CAST: variants seen among roughly 807,000 people sequenced by gnomAD.
CAST encodes the protein calpastatin, also known as MIR583 host.
Under a neutral mutation model 119.6 loss-of-function variants are expected in CAST, and 76 were observed. That is an observed-to-expected ratio of 0.64 (90% CI 0.53 to 0.77). The LOEUF (loss-of-function observed/expected upper bound fraction) is 0.77, where lower values mean the gene tolerates loss of function less well. Among genes scored for constraint, CAST ranks in the 30% least tolerant of loss-of-function variants. The pLI is 0.00. For synonymous variants in CAST, 319 were observed against 331.6 expected (o/e 0.96, Z 0.41); for missense variants, 953 against 946.5 (o/e 1.01, Z -0.09).
chr5:96,132,611 A>G, the CAST span, among the ~76,000 whole-genome samples: 2 of 152,048 alleles, frequency 1.3e-5, no homozygotes, highest in Non-Finnish European at 1.5e-5. Context: ...CTCTACCTCT[A>G]TGAGATCTGT....
At chr5:96,411,844 C>G in the CAST span, among the ~76,000 whole-genome samples, 3 of 152,220 alleles carry the variant, frequency 2.0e-5, no homozygotes, top group East Asian at 5.8e-4. Flanking sequence ...GGGTCTCACT[C>G]TGTCACCCAG....
the CAST span, among the ~76,000 whole-genome samples, chr5:96,284,146 G>A: frequency 2.0e-5 from 3 of 152,178 alleles, no homozygotes; most frequent in Non-Finnish European, 4.4e-5. Flanking sequence ...GAAAGAAGGA[G>A]CAGTGTGTGG....
intron 1 of CAST, among the ~76,000 whole-genome samples, chr5:96,618,769 G>A (rs1306439239): frequency 1.3e-5 from 2 of 152,194 alleles, no homozygotes; most frequent in Non-Finnish European, 2.9e-5. Flanking sequence ...CTCGGGACCT[G>A]CAGTCCACCA....
chr5:96,592,996 A>T (rs1365074084), intron 1 of CAST, among the ~76,000 whole-genome samples: 1 of 151,866 alleles, frequency 6.6e-6, no homozygotes, highest in Non-Finnish European at 1.5e-5. Context: ...CGATCTCCTG[A>T]CCTCGTGATC....
chr5:95,995,998 CT>C, the CAST span, among the ~76,000 whole-genome samples: 1 of 152,144 alleles, frequency 6.6e-6, no homozygotes, highest in Non-Finnish European at 1.5e-5. Context: ...AGCTCAAAAT[CT>C]TTTGATCTCC....
At chr5:96,018,495 A>G in the CAST span, among the ~76,000 whole-genome samples, 1 of 152,220 alleles carries the variant, frequency 6.6e-6, no homozygotes, top group Non-Finnish European at 1.5e-5. Context: ...AGACAATGCA[A>G]AAAAGGGCAT....
chr5:96,455,686 A>G, the CAST span, among the ~76,000 whole-genome samples: 5 of 152,040 alleles, frequency 3.3e-5, no homozygotes, highest in Non-Finnish European at 5.9e-5. Flanking sequence ...TCAGCTCCCA[A>G]CCCTCTCCTT....
intron 1 of CAST, among the ~76,000 whole-genome samples, chr5:96,543,739 T>C (rs1330512100): frequency 1.3e-5 from 2 of 152,226 alleles, no homozygotes; most frequent in African/African-American, 2.4e-5. Flanking sequence ...CATGTATGCC[T>C]ATGATCCATT....
chr5:96,022,817 T>C, the CAST span, among the ~76,000 whole-genome samples: 2 of 152,166 alleles, frequency 1.3e-5, no homozygotes, highest in African/African-American at 4.8e-5. Context: ...GATGTTTCAG[T>C]CTTGTGGAAT....
the CAST span, among the ~76,000 whole-genome samples, chr5:96,341,778 G>A: frequency 5.9e-5 from 9 of 152,074 alleles, no homozygotes; most frequent in Non-Finnish European, 1.2e-4. Flanking sequence ...AACCTACCAC[G>A]GCACTGAGCC....
At chr5:96,432,827 G>A in the CAST span, 4 of 1,596,702 alleles carry the variant, frequency 2.5e-6, no homozygotes, top group East Asian at 8.9e-5. Flanking sequence ...AGTCCCCTGG[G>A]GCCCCAGAAA....
At chr5:96,142,982 T>C in the CAST span, among the ~76,000 whole-genome samples, 2 of 152,194 alleles carry the variant, frequency 1.3e-5, no homozygotes, top group African/African-American at 4.8e-5. Context: ...ACCCTGAAGT[T>C]TGACACTCTG....
chr5:96,027,171 A>G, the CAST span, among the ~76,000 whole-genome samples: 1 of 152,202 alleles, frequency 6.6e-6, no homozygotes, highest in East Asian at 1.9e-4. Flanking sequence ...TGATGGAATA[A>G]CACCTTGTCA....
chr5:96,532,055 C>A (rs1745698855), intron 1 of CAST, among the ~76,000 whole-genome samples: 1 of 151,948 alleles, frequency 6.6e-6, no homozygotes. Context: ...GAGTTTGAGT[C>A]CAGGCTAGGC....
the CAST span, among the ~76,000 whole-genome samples, chr5:96,054,423 C>T: frequency 1.3e-5 from 2 of 151,918 alleles, no homozygotes; most frequent in Non-Finnish European, 2.9e-5. Context: ...CTGGCTTGTC[C>T]TGGGAGTTTT....
chr5:96,630,745 C>T (rs1421480454), intron 1 of CAST, among the ~76,000 whole-genome samples: 1 of 151,968 alleles, frequency 6.6e-6, no homozygotes, highest in African/African-American at 2.4e-5. Flanking sequence ...AAGATTGTGC[C>T]ACTGCACTCC....
chr5:96,387,547 C>CTCTTA, the CAST span, among the ~76,000 whole-genome samples: 63,408 of 151,806 alleles, frequency 0.42, 13,963 homozygotes, highest in African/African-American at 0.55. Flanking sequence ...TTACAAATCT[C>CTCTTA]TCTTAACATT....
chr5:96,215,463 G>A, the CAST span: 6 of 152,120 alleles, frequency 3.9e-5, no homozygotes, highest in African/African-American at 4.8e-5. Flanking sequence ...TCTGGCTTAT[G>A]AGAAAATAGC....
At chr5:96,747,697 T>C (rs976946751) in intron 18 of CAST, among the ~76,000 whole-genome samples, 5 of 152,236 alleles carry the variant, frequency 3.3e-5, no homozygotes, top group Non-Finnish European at 5.9e-5. Flanking sequence ...AGTTCCATCC[T>C]GATCAAATTC....
Sources: gnomAD v4.1 joint callset for allele counts (sites outside exome capture counted in the v4.1 genomes callset) on GRCh38, gnomAD v4.1.1 for gene constraint, MANE v1.5 for transcripts, NCBI Gene and HGNC (gene_info 2026-07-23, HGNC 2026-07-21) for gene names.